Variants in SMAD6 observed in about 807,000 individuals in gnomAD.
SMAD6 encodes the protein SMAD family member 6, also known as MAD homolog 6.
SMAD6 carries 103 observed loss-of-function variants against 39.4 expected under a neutral mutation model. The ratio of observed to expected loss-of-function variants is 2.62; its 90% CI spans 2.23 to 3.08. The LOEUF (loss-of-function observed/expected upper bound fraction) is 3.08. Ranked by LOEUF, SMAD6 falls within the 30% of genes most tolerant of loss-of-function variation. SMAD6 has a pLI of 0.00. For missense variants in SMAD6, 1,104 were observed against 742.9 expected (o/e 1.49, Z -5.65); for synonymous variants, 445 against 353.3 (o/e 1.26, Z -2.91).
chr15:66,729,596 G>A (rs1893587406), intron 3 of SMAD6, among the ~76,000 whole-genome samples: 1 of 152,182 alleles, frequency 6.6e-6, no homozygotes, highest in Non-Finnish European at 1.5e-5. Context: ...TGGGCCCCAG[G>A]CGAGGGGGCG....
chr15:66,721,835 C>G (rs140145415), intron 3 of SMAD6, among the ~76,000 whole-genome samples: 153 of 152,242 alleles, frequency 1.0e-3, no homozygotes, highest in Non-Finnish European at 1.9e-3. Flanking sequence ...TAACAAGAGG[C>G]GGTCCAGAGG....
Position 66,703,740 on chromosome 15 carries a change from C to T in SMAD6, c.482C>T (p.Ala161Val), listed in dbSNP as rs748622672. The T allele has an allele frequency of 1.6e-4, 226 of 1,376,118 alleles. No individual in the cohort carries two copies. Among genetic ancestry groups the T allele is most frequent in the Non-Finnish European group, 2.1e-4 (220 of 1,051,818 alleles). The allele number at this position is 1,376,118 out of a possible 1,614,324, so 85.2% of individuals were successfully genotyped here. Reference sequence around the variant, plus strand: ...GCGGGCGGCGGGCGGAGTCGCGAAGCGCGCTCGCGGCTGCTGCTGCTGGAG... The same window carrying T: ...GCGGGCGGCGGGCGGAGTCGCGAAGTGCGCTCGCGGCTGCTGCTGCTGGAG... Reference protein sequence around the residue: ...EPAGGGRSREARSRLLLLEQE... With the variant: ...EPAGGGRSREVRSRLLLLEQE... The change falls in exon 1 of 4, where the codon GCG becomes GTG. Residue 161 changes from alanine (A) to valine (V), a missense_variant. By Grantham distance (64) the Ala-to-Val change is moderately conservative (BLOSUM62 0). Transcript: ENST00000288840.
intron 3 of SMAD6, among the ~76,000 whole-genome samples, chr15:66,761,358 A>G (rs1018123489): frequency 1.3e-5 from 2 of 152,336 alleles, no homozygotes; most frequent in African/African-American, 4.8e-5. Flanking sequence ...TATCTTCAGA[A>G]TAGGAAACTT....
In SMAD6 at chr15:66,702,554, G is replaced by C. The variant is rs751515365; in HGVS notation, c.-705G>C. The stretch of plus-strand genomic sequence containing the variant: ...ATTAAGGATTCCCAGCAGCTCTTTG[G>C]GATTTTTACAGCTTCCACTCATGTG... On this transcript the variant is annotated 5_prime_UTR_variant, in exon 1 of 4. Transcript: ENST00000288840. 1 of 152,562 alleles carries C rather than the reference G, an allele frequency of 6.6e-6. No homozygotes were observed. The allele number at this position is 152,562 out of a possible 1,614,324, so 9.5% of individuals were successfully genotyped here.
chr15:66,779,589 C>A (rs1054309267), intron 3 of SMAD6, among the ~76,000 whole-genome samples: 1 of 152,232 alleles, frequency 6.6e-6, no homozygotes, highest in African/African-American at 2.4e-5. Context: ...GCCCTGCCAC[C>A]CTGTTCTTCT....
chr15:66,703,416 G>A lies in SMAD6; in HGVS notation c.158G>A (p.Gly53Glu), dbSNP rs955270050. 8.9e-6 allele frequency: 12 copies of A among 1,343,958 alleles called. No individual in the cohort carries two copies. The highest frequency in any genetic ancestry group is 1.1e-5 in the Non-Finnish European group (12 of 1,046,326). 83.3% of individuals were successfully genotyped at this position (1,343,958 alleles called of 1,614,324 possible). Residue 53 changes from glycine (G) to glutamate (E), a missense_variant, in exon 1 of 4, where the codon GGA becomes GAA. By Grantham distance (98) the Gly-to-Glu change is moderately conservative. Coordinates refer to ENST00000288840, the MANE Select transcript of SMAD6 (RefSeq NM_005585.5). ...AEPAPRAREG[G>E]GCGRSEVRPV... The stretch of plus-strand genomic sequence containing the variant: ...CCGGCCCCGCGGGCAAGAGAGGGCG[G>A]AGGCTGCGGCCGCTCCGAAGTCCGC...
At chr15:66,761,408 G>A (rs1357940846) in intron 3 of SMAD6, among the ~76,000 whole-genome samples, 1 of 152,220 alleles carries the variant, frequency 6.6e-6, no homozygotes, top group Non-Finnish European at 1.5e-5. Flanking sequence ...CCTGAGAGTT[G>A]GTGGTGGTGC....
chr15:66,726,655 A>C (rs1240544726), intron 3 of SMAD6, among the ~76,000 whole-genome samples: 1 of 151,172 alleles, frequency 6.6e-6, no homozygotes, highest in Non-Finnish European at 1.5e-5. Context: ...CACCACCCCT[A>C]CCTGGGGGCC....
intron 3 of SMAD6, among the ~76,000 whole-genome samples, chr15:66,773,295 G>A (rs1480422745): frequency 6.6e-6 from 1 of 152,136 alleles, no homozygotes; most frequent in Non-Finnish European, 1.5e-5. Flanking sequence ...CAGCAGAGAG[G>A]CTCGTTCTAA....
intron 3 of SMAD6, among the ~76,000 whole-genome samples, chr15:66,721,881 G>A (rs1023394179): frequency 3.9e-5 from 6 of 152,212 alleles, no homozygotes; most frequent in Non-Finnish European, 5.9e-5. Flanking sequence ...AACTCTTGGC[G>A]TGGTAGGGAG....
rs1893011402 is a variant in SMAD6 at position 66,703,133 on chromosome 15, G to C, written c.-126G>C. Reference sequence around the variant, plus strand: ...TTCGACGACAGGCTGTGCGCGGTCTGCACGGCGCTCCGCGGCGGAGCTTCA... The same window carrying C: ...TTCGACGACAGGCTGTGCGCGGTCTCCACGGCGCTCCGCGGCGGAGCTTCA... On this transcript the variant is annotated 5_prime_UTR_variant, in exon 1 of 4. Transcript: ENST00000288840. The C allele has an allele frequency of 7.6e-6, 5 of 657,988 alleles. No individual in the cohort carries two copies. Among genetic ancestry groups the C allele is most frequent in the South Asian group, 8.1e-5 (2 of 24,594 alleles). 40.8% of individuals were successfully genotyped at this position (657,988 alleles called of 1,614,324 possible).
chr15:66,764,737 G>A (rs947686617), intron 3 of SMAD6, among the ~76,000 whole-genome samples: 2 of 152,112 alleles, frequency 1.3e-5, no homozygotes, highest in Admixed American at 1.3e-4. Flanking sequence ...CCACGTAAGT[G>A]TTCGTCCTTG....
chr15:66,709,158 A>T (rs1893179298), intron 1 of SMAD6, among the ~76,000 whole-genome samples: 1 of 152,198 alleles, frequency 6.6e-6, no homozygotes, highest in Non-Finnish European at 1.5e-5. Flanking sequence ...AAGCCTTCAT[A>T]CTTTTTTAGT....
intron 2 of SMAD6, among the ~76,000 whole-genome samples, chr15:66,714,420 G>A (rs540690688): frequency 1.3e-5 from 2 of 152,262 alleles, no homozygotes; most frequent in Admixed American, 6.5e-5. Context: ...AATATTTTGT[G>A]ACACCTGAAA....
intron 3 of SMAD6, among the ~76,000 whole-genome samples, chr15:66,777,249 C>T (rs1388238016): frequency 6.6e-6 from 1 of 152,148 alleles, no homozygotes; most frequent in African/African-American, 2.4e-5. Context: ...ACAAGAGACC[C>T]CAGTTTTTGC....
At chr15:66,745,495 C>T (rs367644533) in intron 3 of SMAD6, among the ~76,000 whole-genome samples, 1 of 152,198 alleles carries the variant, frequency 6.6e-6, no homozygotes, top group African/African-American at 2.4e-5. Flanking sequence ...CTAAACTCCC[C>T]TTCCCCACGG....
chr15:66,757,250 G>T (rs943120054), intron 3 of SMAD6, among the ~76,000 whole-genome samples: 1 of 152,200 alleles, frequency 6.6e-6, no homozygotes, highest in African/African-American at 2.4e-5. Context: ...CGCAGGGTAC[G>T]GGAGGAGGCG....
intron 2 of SMAD6, 57 bp from the exon 3 acceptor site, chr15:66,716,364 A>T (rs929512023): frequency 7.9e-7 from 1 of 1,271,006 alleles, no homozygotes; most frequent in East Asian, 2.3e-5. Flanking sequence ...GAGAAAGAAG[A>T]AAAAAGAGAG....
chr15:66,779,270 G>A (rs533160239), intron 3 of SMAD6, among the ~76,000 whole-genome samples: 10 of 152,292 alleles, frequency 6.6e-5, no homozygotes, highest in African/African-American at 4.8e-5. Context: ...CAGTTCTGTC[G>A]AGGGCAGGAT....
Sources: gnomAD v4.1 joint callset for allele counts (sites outside exome capture counted in the v4.1 genomes callset) on GRCh38, gnomAD v4.1.1 for gene constraint, MANE v1.5 for transcripts, NCBI Gene and HGNC (gene_info 2026-07-23, HGNC 2026-07-21) for gene names.